Variants in XKR6 observed in about 807,000 individuals in gnomAD.
The protein encoded by XKR6 is XK-related protein 6.
A neutral mutation model predicts 56.7 loss-of-function variants in XKR6; 22 were observed. The ratio of observed to expected loss-of-function variants is 0.39; its 90% confidence interval spans 0.28 to 0.55. The LOEUF (loss-of-function observed/expected upper bound fraction) is 0.55, where lower values mean the gene tolerates loss of function less well. Ranked by LOEUF, XKR6 falls within the 20% of genes least tolerant of loss-of-function variation. The probability of loss-of-function intolerance (pLI) is 0.66; values close to 1 mark genes in which losing one functional copy is unlikely to be tolerated. For synonymous variants in XKR6, 524 were observed against 387.8 expected (o/e 1.35, Z -4.13); for missense variants, 852 against 889.0 (o/e 0.96, Z 0.53).
intron 1 of XKR6, among the ~76,000 whole-genome samples, chr8:10,956,711 G>T (rs962408866): frequency 6.6e-6 from 1 of 152,100 alleles, no homozygotes; most frequent in Non-Finnish European, 1.5e-5. Flanking sequence ...GGTTTCAAAG[G>T]GCTGGAGCCA....
At chr8:11,008,742 T>C (rs1798431872) in intron 1 of XKR6, among the ~76,000 whole-genome samples, 1 of 152,078 alleles carries the variant, frequency 6.6e-6, no homozygotes, top group Admixed American at 6.6e-5. Flanking sequence ...GGTTCACCGG[T>C]GGACACATGT....
At chr8:10,968,001 G>A (rs977688756) in intron 1 of XKR6, among the ~76,000 whole-genome samples, 9 of 152,178 alleles carry the variant, frequency 5.9e-5, no homozygotes, top group East Asian at 1.9e-4. Flanking sequence ...CTCACTCGGC[G>A]CCCTCCGGGC....
At chr8:10,971,680 C>T (rs1802414806) in intron 1 of XKR6, among the ~76,000 whole-genome samples, 2 of 152,130 alleles carry the variant, frequency 1.3e-5, no homozygotes, top group South Asian at 4.1e-4. Context: ...GTACCATTTT[C>T]TCAGGACCAT....
chr8:11,129,830 T>C (rs1800013707), intron 1 of XKR6, among the ~76,000 whole-genome samples: 1 of 151,608 alleles, frequency 6.6e-6, no homozygotes, highest in South Asian at 2.1e-4. Flanking sequence ...CCTTTCCATT[T>C]TCTGCAAGTT....
intron 1 of XKR6, among the ~76,000 whole-genome samples, chr8:10,938,016 A>T (rs1486792681): frequency 6.6e-6 from 1 of 151,838 alleles, no homozygotes; most frequent in Non-Finnish European, 1.5e-5. Context: ...GCCGCCTTGC[A>T]GTTTGATCTC....
chr8:11,167,162 A>C (rs1056928863), intron 1 of XKR6, among the ~76,000 whole-genome samples: 4 of 152,196 alleles, frequency 2.6e-5, no homozygotes, highest in Non-Finnish European at 5.9e-5. Context: ...AACCATCAAA[A>C]AACAAGCACC....
chr8:10,918,450 C>G (rs997732796), intron 2 of XKR6, among the ~76,000 whole-genome samples: 5 of 152,258 alleles, frequency 3.3e-5, no homozygotes, highest in African/African-American at 9.6e-5. Flanking sequence ...CTGGACTTGA[C>G]AGTCCACATC....
At chr8:11,058,331 C>T (rs1799738299) in intron 1 of XKR6, among the ~76,000 whole-genome samples, 1 of 152,114 alleles carries the variant, frequency 6.6e-6, no homozygotes, top group Non-Finnish European at 1.5e-5. Flanking sequence ...TGGGTATATA[C>T]CCAAAGGATT....
chr8:11,090,783 C>A (rs543952232), intron 1 of XKR6, among the ~76,000 whole-genome samples: 3 of 152,212 alleles, frequency 2.0e-5, no homozygotes, highest in African/African-American at 7.2e-5. Context: ...GAACACCAAT[C>A]TTTTGTTGGT....
intron 1 of XKR6, among the ~76,000 whole-genome samples, chr8:11,179,572 G>C (rs1183699804): frequency 6.6e-6 from 1 of 152,024 alleles, no homozygotes; most frequent in Non-Finnish European, 1.5e-5. Flanking sequence ...CAAAACACTA[G>C]AGTTTCAGTC....
chr8:11,052,912 T>C lies in XKR6; in HGVS notation c.765-128082A>G, dbSNP rs1799590545. Among the ~76,000 whole-genome samples, 3 of 152,322 alleles carry C rather than the reference T, an allele frequency of 2.0e-5. No homozygotes were observed. In the South Asian group the frequency reaches 6.2e-4, roughly 32 times the overall value. The stretch of plus-strand genomic sequence containing the variant: ...CACCTGCAGAAAGCCTTCTGGGCTG[T>C]TGGGCACCTGCACCGCTGAAGCCCC... On this transcript the variant is annotated intron_variant, in intron 1 of 2. Transcript: ENST00000416569.
intron 1 of XKR6, chr8:11,194,758 T>C (rs1410020172): frequency 7.7e-5 from 17 of 221,372 alleles, no homozygotes; most frequent in Admixed American, 7.5e-4. Context: ...TATGAATAAG[T>C]CTATAGTATC....
intron 1 of XKR6, among the ~76,000 whole-genome samples, chr8:11,010,301 T>C (rs1798470812): frequency 1.3e-5 from 2 of 152,186 alleles, no homozygotes; most frequent in African/African-American, 4.8e-5. Flanking sequence ...TCTTCCAACA[T>C]TGGGAATTAC....
intron 1 of XKR6, among the ~76,000 whole-genome samples, chr8:10,994,022 C>T (rs1308266166): frequency 6.6e-6 from 1 of 152,202 alleles, no homozygotes; most frequent in African/African-American, 2.4e-5. Flanking sequence ...CAGTTACCTT[C>T]AGTAGCTGGG....
At chr8:10,959,530 T>G (rs899823838) in intron 1 of XKR6, among the ~76,000 whole-genome samples, 1 of 152,166 alleles carries the variant, frequency 6.6e-6, no homozygotes, top group Admixed American at 6.6e-5. Flanking sequence ...TCTTCCTACT[T>G]GCAGACAGCC....
At chr8:11,181,032 A>G (rs1297075509) in intron 1 of XKR6, among the ~76,000 whole-genome samples, 2 of 152,196 alleles carry the variant, frequency 1.3e-5, no homozygotes, top group Admixed American at 1.3e-4. Context: ...TTTTTGTTTA[A>G]AAGTTTGGGA....
At chr8:11,087,749 G>A (rs996575078) in intron 1 of XKR6, among the ~76,000 whole-genome samples, 3 of 152,196 alleles carry the variant, frequency 2.0e-5, no homozygotes, top group Non-Finnish European at 2.9e-5. Flanking sequence ...TTCCTGGGGA[G>A]AGCCCAACCC....
intron 1 of XKR6, among the ~76,000 whole-genome samples, chr8:11,007,832 T>C (rs1207185770): frequency 6.6e-6 from 1 of 152,054 alleles, no homozygotes; most frequent in African/African-American, 2.4e-5. Context: ...TCTGGGCTTG[T>C]ATCTTTTCCT....
In XKR6 at chr8:11,055,883, G is replaced by A. The variant is rs148690077; in HGVS notation, c.765-131053C>T. On this transcript the variant is annotated intron_variant, in intron 1 of 2. Transcript: ENST00000416569. ...ACAGTTCTGGTCACACAACCTCCTC[G>A]TAAAACCTGATTTCCTTCATACCCC... 2.2e-4 allele frequency among the ~76,000 whole-genome samples: 33 copies of A among 152,274 alleles called. No homozygotes were observed. The East Asian group carries it at 5.4e-3, about 25-fold the overall frequency.
Sources: allele counts gnomAD v4.1 joint callset (sites outside exome capture counted in the v4.1 genomes callset), GRCh38; gene constraint gnomAD v4.1.1; transcripts MANE v1.5; gene names NCBI Gene and HGNC (gene_info 2026-07-23, HGNC 2026-07-21).